SLC25A26: variants seen among roughly 807,000 people sequenced by gnomAD.
The protein encoded by SLC25A26 is mitochondrial S-adenosylmethionine carrier protein.
SLC25A26 carries 36 observed loss-of-function variants against 37.8 expected under a neutral mutation model. The ratio of observed to expected loss-of-function variants is 0.95; its 90% CI spans 0.73 to 1.26. The LOEUF (loss-of-function observed/expected upper bound fraction) is 1.26, where lower values mean the gene tolerates loss of function less well. Among genes scored for constraint, SLC25A26 ranks in the 50% most tolerant of loss-of-function variants. The probability of loss-of-function intolerance (pLI) is 0.00; values close to 1 mark genes in which losing one functional copy is unlikely to be tolerated. For missense variants in SLC25A26, 390 were observed against 331.1 expected (o/e 1.18, Z -1.38); for synonymous variants, 129 against 122.5 (o/e 1.05, Z -0.35).
intron 1 of SLC25A26, among the ~76,000 whole-genome samples, chr3:66,209,835 T>C (rs1365688919): frequency 1.6e-5 from 2 of 126,516 alleles, no homozygotes; most frequent in Admixed American, 1.7e-4. Flanking sequence ...ACACACACCT[T>C]ATATATAGAG....
chr3:66,208,746 GTA>G (rs1288921685), intron 1 of SLC25A26, among the ~76,000 whole-genome samples: 5 of 69,534 alleles, frequency 7.2e-5, no homozygotes, highest in Non-Finnish European at 1.2e-4. Flanking sequence ...TTATATGGGT[GTA>G]TATATATATT....
At chr3:66,326,406 C>T (rs916092600) in intron 5 of SLC25A26, among the ~76,000 whole-genome samples, 3 of 152,214 alleles carry the variant, frequency 2.0e-5, no homozygotes, top group South Asian at 2.1e-4. Context: ...GGAGGGGTTG[C>T]CTGCCCTGGT....
chr3:66,316,506 C>G, intron 5 of SLC25A26, among the ~76,000 whole-genome samples: 1 of 152,114 alleles, frequency 6.6e-6, no homozygotes. Context: ...ATGGGCCTCC[C>G]TGTAGAGATG....
intron 2 of SLC25A26, among the ~76,000 whole-genome samples, chr3:66,237,403 T>G (rs979522086): frequency 7.9e-5 from 12 of 152,252 alleles, no homozygotes; most frequent in African/African-American, 2.7e-4. Context: ...TTCGCCTGGG[T>G]ATTAGGAGTT....
chr3:66,331,928 T>TTTTG (rs1055098038), intron 5 of SLC25A26, among the ~76,000 whole-genome samples: 5 of 152,092 alleles, frequency 3.3e-5, no homozygotes, highest in Admixed American at 6.6e-5. Context: ...TTTTGTTTTT[T>TTTTG]TTTGTTTGTT....
At chr3:66,153,669 A>G (rs2070237921) in intron 1 of SLC25A26, among the ~76,000 whole-genome samples, 1 of 152,246 alleles carries the variant, frequency 6.6e-6, no homozygotes, top group African/African-American at 2.4e-5. Flanking sequence ...ATCTTGAGCC[A>G]GGAATGCAAG....
intron 3 of SLC25A26, among the ~76,000 whole-genome samples, chr3:66,254,371 C>T (rs955576905): frequency 1.3e-5 from 2 of 152,210 alleles, no homozygotes; most frequent in African/African-American, 2.4e-5. Context: ...ATGAAATACA[C>T]GTAAGCAAAT....
chr3:66,218,468 TG>T (rs1320480032), upstream of SLC25A26, among the ~76,000 whole-genome samples: 2 of 152,236 alleles, frequency 1.3e-5, no homozygotes, highest in Non-Finnish European at 2.9e-5. Flanking sequence ...GCCACTCTAG[TG>T]AGTTCTAGTG....
intron 1 of SLC25A26, among the ~76,000 whole-genome samples, chr3:66,213,817 C>G (rs2071320929): frequency 6.6e-6 from 1 of 152,026 alleles, no homozygotes. Flanking sequence ...GTAGTCCTAA[C>G]TATTTGGGAG....
intron 1 of SLC25A26, among the ~76,000 whole-genome samples, chr3:66,139,948 CAA>C (rs946603567): frequency 4.6e-5 from 7 of 152,176 alleles, no homozygotes; most frequent in African/African-American, 1.7e-4. Context: ...TGATCCTTCT[CAA>C]GGTGTTGTAG....
At chr3:66,341,047 TTTTA>T (rs2076198732) in intron 5 of SLC25A26, among the ~76,000 whole-genome samples, 2 of 152,092 alleles carry the variant, frequency 1.3e-5, no homozygotes, top group Admixed American at 1.3e-4. Context: ...AGTCTTTGCT[TTTTA>T]TTTCTTTTAT....
chr3:66,147,885 A>T (rs369960668), intron 1 of SLC25A26, among the ~76,000 whole-genome samples: 2 of 152,042 alleles, frequency 1.3e-5, no homozygotes, highest in South Asian at 2.1e-4. Flanking sequence ...CAGCCTCCCC[A>T]GTAGCTGGGA....
intron 5 of SLC25A26, among the ~76,000 whole-genome samples, chr3:66,330,518 A>C (rs1464073799): frequency 6.6e-6 from 1 of 151,926 alleles, no homozygotes; most frequent in African/African-American, 2.4e-5. Context: ...CTGCATCTAT[A>C]TATTTCTGTG....
intron 6 of SLC25A26, among the ~76,000 whole-genome samples, chr3:66,350,445 C>T (rs1009510587): frequency 1.3e-5 from 2 of 152,174 alleles, no homozygotes; most frequent in Non-Finnish European, 2.9e-5. Flanking sequence ...GTTGACTTCA[C>T]TGTTGGGAAT....
Position 66,370,511 on chromosome 3 carries a change from C to T in SLC25A26, c.634-18C>T. 1 of 1,611,130 alleles carries T rather than the reference C, an allele frequency of 6.2e-7. No homozygotes were observed. The highest frequency in any genetic ancestry group is 8.5e-7 in the Non-Finnish European group (1 of 1,177,842). On this transcript the variant is annotated intron_variant, in intron 8 of 9. Coordinates refer to ENST00000354883, the MANE Select transcript of SLC25A26 (RefSeq NM_001379210.1). Reference sequence around the variant, plus strand: ...GAGCTTCAGAAGATAACGGGTTTCTCTTTGTCTGTTCACACAGGCTGGCTC... The same window carrying T: ...GAGCTTCAGAAGATAACGGGTTTCTTTTTGTCTGTTCACACAGGCTGGCTC...
intron 1 of SLC25A26, among the ~76,000 whole-genome samples, chr3:66,225,075 A>T (rs1051829797): frequency 6.6e-6 from 1 of 152,084 alleles, no homozygotes; most frequent in African/African-American, 2.4e-5. Flanking sequence ...TCAAGCTGTC[A>T]GTGGATCTAC....
At chr3:66,179,850 A>G (rs1226762176) in intron 1 of SLC25A26, among the ~76,000 whole-genome samples, 2 of 152,120 alleles carry the variant, frequency 1.3e-5, no homozygotes, top group African/African-American at 4.8e-5. Flanking sequence ...ATGCTGGGAG[A>G]CAAGAGAACA....
intron 1 of SLC25A26, among the ~76,000 whole-genome samples, chr3:66,174,690 G>A (rs1039607066): frequency 4.6e-5 from 7 of 152,122 alleles, no homozygotes; most frequent in African/African-American, 1.7e-4. Flanking sequence ...GGAGGCTGAG[G>A]CAGGAGAATG....
chr3:66,319,875 T>C (rs756010184), intron 5 of SLC25A26, among the ~76,000 whole-genome samples: 20 of 145,702 alleles, frequency 1.4e-4, no homozygotes, highest in Admixed American at 3.5e-4. Context: ...TGCCTCAGCC[T>C]CCTGAGTAGC....
Sources: gnomAD v4.1 joint callset for allele counts (sites outside exome capture counted in the v4.1 genomes callset) on GRCh38, gnomAD v4.1.1 for gene constraint, MANE v1.5 for transcripts, NCBI Gene and HGNC (gene_info 2026-07-23, HGNC 2026-07-21) for gene names.